Variants in EHF observed in about 807,000 individuals in gnomAD.
The protein encoded by EHF is ETS homologous factor.
In EHF, 14 loss-of-function variants were observed where a neutral mutation model predicts 45.1. That is an observed-to-expected ratio of 0.31 (90% confidence interval 0.21 to 0.49). The LOEUF is 0.49. Among genes scored for constraint, EHF ranks in the 20% least tolerant of loss-of-function variants. The probability of loss-of-function intolerance (pLI) is 0.99; values close to 1 mark genes in which losing one functional copy is unlikely to be tolerated. For missense variants in EHF, 282 were observed against 371.4 expected (o/e 0.76, Z 1.98); for synonymous variants, 136 against 131.8 (o/e 1.03, Z -0.22).
chr11:34,630,153 T>A (rs1852745620), intron 1 of EHF, among the ~76,000 whole-genome samples: 1 of 152,212 alleles, frequency 6.6e-6, no homozygotes, highest in Non-Finnish European at 1.5e-5. Flanking sequence ...ACTTTGAAAT[T>A]AAAAGTATAA....
chr11:34,654,448 C>T (rs553974305), intron 6 of EHF, among the ~76,000 whole-genome samples: 102 of 152,266 alleles, frequency 6.7e-4, no homozygotes, highest in African/African-American at 2.4e-3. Flanking sequence ...CACGGCTTAC[C>T]CCTGCACACT....
chr11:34,642,798 C>G, intron 2 of EHF, 71 bp downstream of exon 2: 1 of 1,151,478 alleles, frequency 8.7e-7, no homozygotes. Context: ...CCTCTCACAA[C>G]CTAATGTTTG....
chr11:34,630,670 A>T (rs151032951), intron 1 of EHF, among the ~76,000 whole-genome samples: 1 of 51,610 alleles, frequency 1.9e-5, no homozygotes, highest in African/African-American at 6.5e-5. Context: ...ACATTCCTGC[A>T]CAGTTGGTCT....
intron 2 of EHF, among the ~76,000 whole-genome samples, chr11:34,643,078 G>GTGTGTA (rs1258183812): frequency 6.6e-6 from 1 of 151,800 alleles, no homozygotes; most frequent in Non-Finnish European, 1.5e-5. Flanking sequence ...ATGTGTGTGT[G>GTGTGTA]TGTGTGTGTG....
intron 7 of EHF, among the ~76,000 whole-genome samples, 156 bp from the exon 8 acceptor site, chr11:34,658,377 G>T (rs1855853960): frequency 6.6e-6 from 1 of 152,078 alleles, no homozygotes; most frequent in Non-Finnish European, 1.5e-5. Context: ...CCTTTTTAAT[G>T]TCCAACATCT....
rs756322371 is a variant in EHF at position 34,658,838 on chromosome 11, C to T, written c.810C>T (p.Tyr270=). ...YEKLSRAMRY[Y]YKREILERVD... ...GCAATCTCCTTTGTTACAGATATTACTACAAAAGAGAAATTCTGGAGCGTG... is the reference window on the plus strand; with the variant it reads ...GCAATCTCCTTTGTTACAGATATTATTACAAAAGAGAAATTCTGGAGCGTG... The change falls in exon 9 of 9, where the codon TAC becomes TAT. Residue 270 remains tyrosine (Y), a synonymous_variant. Coordinates refer to ENST00000257831, the MANE Select transcript of EHF (RefSeq NM_012153.6). The T allele has an allele frequency of 6.2e-7, 1 of 1,611,564 alleles. No individual in the cohort carries two copies. Among genetic ancestry groups the T allele is most frequent in the Non-Finnish European group, 8.5e-7 (1 of 1,179,150 alleles).
intron 1 of EHF, chr11:34,631,507 G>A (rs1364699640): frequency 5.4e-6 from 5 of 917,438 alleles, no homozygotes; most frequent in Non-Finnish European, 6.5e-6. Flanking sequence ...AAGTGAGCAT[G>A]TGATGATGCT....
chr11:34,640,385 C>T (rs922869179), intron 1 of EHF, among the ~76,000 whole-genome samples: 5 of 152,230 alleles, frequency 3.3e-5, no homozygotes, highest in South Asian at 4.1e-4. Context: ...CCTGCCTGTC[C>T]TCCCTAAGCC....
chr11:34,650,795 A>G (rs1855078443), intron 4 of EHF, among the ~76,000 whole-genome samples: 1 of 152,210 alleles, frequency 6.6e-6, no homozygotes, highest in Non-Finnish European at 1.5e-5. Flanking sequence ...CTGAAGAGTC[A>G]GTCAAAGTGA....
At chr11:34,640,457 A>T (rs1853876346) in intron 1 of EHF, among the ~76,000 whole-genome samples, 1 of 152,192 alleles carries the variant, frequency 6.6e-6, no homozygotes, top group African/African-American at 2.4e-5. Flanking sequence ...TTCAGGGTTA[A>T]ACAGTAACCT....
intron 1 of EHF, among the ~76,000 whole-genome samples, chr11:34,629,729 T>C (rs956354340): frequency 6.6e-6 from 1 of 152,200 alleles, no homozygotes; most frequent in Non-Finnish European, 1.5e-5. Context: ...CAATAACATA[T>C]TCATGGTCTT....
chr11:34,636,270 T>A (rs1283144259), intron 1 of EHF, among the ~76,000 whole-genome samples: 1 of 152,252 alleles, frequency 6.6e-6, no homozygotes, highest in Non-Finnish European at 1.5e-5. Flanking sequence ...ATCTCTACTT[T>A]ATAGATGAGG....
chr11:34,625,335 G>A (rs17358030), intron 1 of EHF, among the ~76,000 whole-genome samples: 60,146 of 152,030 alleles, frequency 0.4, 14,853 homozygotes, highest in Non-Finnish European at 0.54. Flanking sequence ...GTGATGGCAG[G>A]GAACAGCCTA....
intron 2 of EHF, among the ~76,000 whole-genome samples, chr11:34,643,600 C>T (rs150332485): frequency 3.3e-5 from 5 of 152,320 alleles, no homozygotes; most frequent in East Asian, 1.9e-4. Flanking sequence ...TATTCTGCAG[C>T]GAGTGCTAAT....
chr11:34,632,048 T>C (rs75995317), intron 1 of EHF, among the ~76,000 whole-genome samples: 6 of 152,194 alleles, frequency 3.9e-5, no homozygotes, highest in African/African-American at 1.2e-4. Context: ...TCTGGCCTAT[T>C]TGATACCCCC....
rs139698074 is a variant in EHF, at chr11:34,623,864, C to A, written c.-4+2636C>A. ...GCTTTTCTGAAAGCCCAGGGCAAGA[C>A]CCCTGCTTCATGTCACAGTATCAAA... On this transcript the variant is annotated intron_variant, in intron 1 of 8. Transcript: ENST00000257831. Among the ~76,000 whole-genome samples, 18 of 152,324 alleles carry A rather than the reference C, an allele frequency of 1.2e-4. No individual in the cohort carries two copies. In the East Asian group the frequency reaches 3.5e-3, roughly 29 times the overall value.
intron 7 of EHF, 26 bp from the exon 8 acceptor site, chr11:34,658,507 T>C: frequency 6.2e-7 from 1 of 1,600,740 alleles, no homozygotes; most frequent in Non-Finnish European, 8.5e-7. Flanking sequence ...AGATCATTAG[T>C]AACCTGCCTT....
At chr11:34,647,591 A>T (rs1370704736) in intron 3 of EHF, among the ~76,000 whole-genome samples, 4 of 152,214 alleles carry the variant, frequency 2.6e-5, no homozygotes. Context: ...GCCTGTCTGC[A>T]CTGGAAAAGG....
In EHF at chr11:34,647,252, G is replaced by C. The variant is rs958863110; in HGVS notation, c.343+568G>C. Among the ~76,000 whole-genome samples, 17 of 152,192 alleles carry C rather than the reference G, an allele frequency of 1.1e-4. No homozygotes were observed. The East Asian group carries it at 1.5e-3, about 14-fold the overall frequency. ...TAAAAGGTCTGTAACTTAAAAAAAG[G>C]GTTAGAACATATGGTCTAGACACGT... On this transcript the variant is annotated intron_variant, in intron 3 of 8. Transcript: ENST00000257831.
Sources: allele counts gnomAD v4.1 joint callset (sites outside exome capture counted in the v4.1 genomes callset), GRCh38; gene constraint gnomAD v4.1.1; transcripts MANE v1.5; gene names NCBI Gene and HGNC (gene_info 2026-07-23, HGNC 2026-07-21).